MFAP1: variants seen among roughly 807,000 people sequenced by gnomAD.
MFAP1 encodes microfibrillar-associated protein 1.
MFAP1 carries 18 observed loss-of-function variants against 62.2 expected under a neutral mutation model. The observed-to-expected ratio is 0.29, with a 90% CI of 0.20 to 0.43. The LOEUF (loss-of-function observed/expected upper bound fraction) is 0.43. Among genes scored for constraint, MFAP1 ranks in the 20% least tolerant of loss-of-function variants. The pLI is 1.00. For missense variants in MFAP1, 355 were observed against 559.7 expected, an observed-to-expected ratio of 0.63 and a Z score of 3.69; for synonymous variants, 175 against 180.4, an observed-to-expected ratio of 0.97 and a Z score of 0.24.
At chr15:43,808,386 A>G (rs1301642623) in intron 7 of MFAP1, among the ~76,000 whole-genome samples, 1 of 152,112 alleles carries the variant, frequency 6.6e-6, no homozygotes, top group African/African-American at 2.4e-5. Flanking sequence ...TTTTTTGTAG[A>G]GATGGGGTTT....
In MFAP1 at chr15:43,817,305, C is replaced by T. The variant is rs543225157; in HGVS notation, c.223G>A (p.Glu75Lys). Residue 75 changes from glutamate to lysine, a missense_variant, in exon 2 of 9, where the codon GAA becomes AAA. Glu to Lys is a moderately conservative substitution (Grantham distance 56). Around this residue, in one of 6 missense-constraint regions of MFAP1, gnomAD observed 257 missense variants for 341.3 expected, o/e 0.75. Transcript: ENST00000267812. ...TCACTGGATGAATCCTCCTCCTGTT[C>T]CTCAGGCTCTGCTTCTTGTTCTTTG... ...KAKEQEAEPE[E>K]QEEDSSSDPR... 2 of 1,614,112 alleles carry T rather than the reference C, an allele frequency of 1.2e-6. No individual in the cohort carries two copies. Among genetic ancestry groups the T allele is most frequent in the African/African-American group, 1.3e-5 (1 of 75,014 alleles).
chr15:43,813,827 G>A (rs993030085), intron 4 of MFAP1, among the ~76,000 whole-genome samples: 4 of 152,040 alleles, frequency 2.6e-5, no homozygotes, highest in Admixed American at 2.0e-4. Context: ...CAGGTCTTTA[G>A]AGGACTAAAA....
intron 7 of MFAP1, among the ~76,000 whole-genome samples, chr15:43,808,896 GCTA>G: frequency 6.6e-6 from 1 of 152,188 alleles, no homozygotes; most frequent in Non-Finnish European, 1.5e-5. Context: ...TTAACAGATT[GCTA>G]TTTTGATCTT....
chr15:43,822,562 CGG>C (rs2141713895), intron 1 of MFAP1, among the ~76,000 whole-genome samples: 1 of 151,710 alleles, frequency 6.6e-6, no homozygotes, highest in East Asian at 1.9e-4. Context: ...TTAGTAGAGA[CGG>C]GGTTTCACCA....
chr15:43,810,332 T>C lies in MFAP1; in HGVS notation c.888-418A>G, dbSNP rs538800838. Among the ~76,000 whole-genome samples the C allele has an allele frequency of 5.3e-5, 8 of 152,172 alleles. No individual in the cohort carries two copies. In the South Asian group the frequency reaches 1.7e-3, roughly 32 times the overall value. On this transcript the variant is annotated intron_variant, in intron 6 of 8. Transcript: ENST00000267812. ...GTGCTTGCATGTCATAAACCAAAGATTACCATCATTAATTAGATTGCAGTA... is the reference window on the plus strand; with the variant it reads ...GTGCTTGCATGTCATAAACCAAAGACTACCATCATTAATTAGATTGCAGTA...
intron 1 of MFAP1, among the ~76,000 whole-genome samples, chr15:43,818,645 C>G (rs2087449615): frequency 6.6e-6 from 1 of 152,006 alleles, no homozygotes; most frequent in African/African-American, 2.4e-5. Flanking sequence ...ATAATCGCAG[C>G]ATTTTGGAAG....
chr15:43,821,246 TA>T (rs1291274660), intron 1 of MFAP1, among the ~76,000 whole-genome samples: 2 of 152,066 alleles, frequency 1.3e-5, no homozygotes, highest in Non-Finnish European at 2.9e-5. Context: ...TATTGAAAGA[TA>T]AAAAAGATGT....
At chr15:43,805,493 G>C in intron 7 of MFAP1, 28 bp from the exon 8 acceptor site, 1 of 1,576,736 alleles carries the variant, frequency 6.3e-7, no homozygotes, top group South Asian at 1.2e-5. Context: ...TATCAATCTT[G>C]TGGCTTTATT....
intron 7 of MFAP1, among the ~76,000 whole-genome samples, chr15:43,807,387 C>T (rs970039043): frequency 7.3e-5 from 11 of 149,966 alleles, no homozygotes; most frequent in Non-Finnish European, 1.6e-4. Flanking sequence ...CTCACTCTGT[C>T]GCCCAGGCTA....
chr15:43,808,336 G>A (rs2087378451), intron 7 of MFAP1, among the ~76,000 whole-genome samples: 2 of 152,136 alleles, frequency 1.3e-5, no homozygotes. Flanking sequence ...CCCTTGATAG[G>A]TGACACTACA....
chr15:43,813,500 T>C, intron 4 of MFAP1, 143 bp from the exon 5 acceptor site: 2 of 517,830 alleles, frequency 3.9e-6, no homozygotes, highest in Non-Finnish European at 6.4e-6. Flanking sequence ...CGCTGAGTCA[T>C]CCCAGGTCTT....
chr15:43,807,043 C>T (rs1031493416), intron 7 of MFAP1, among the ~76,000 whole-genome samples: 10 of 151,492 alleles, frequency 6.6e-5, no homozygotes, highest in African/African-American at 9.7e-5. Context: ...TTCCCAGCAC[C>T]GAATGTCAAA....
intron 6 of MFAP1, chr15:43,810,128 T>C: frequency 2.0e-6 from 1 of 512,776 alleles, no homozygotes; most frequent in Non-Finnish European, 3.4e-6. Flanking sequence ...CTTTCAAAAG[T>C]TGATTCTAGC....
Position 43,824,626 on chromosome 15 carries a change from A to G in MFAP1, c.-57T>C. The G allele has an allele frequency of 6.4e-7, 1 of 1,568,806 alleles. No individual in the cohort carries two copies. Among genetic ancestry groups the G allele is most frequent in the Non-Finnish European group, 8.8e-7 (1 of 1,139,546 alleles). On this transcript the variant is annotated 5_prime_UTR_variant, in exon 1 of 9. Transcript: ENST00000267812. ...TGACTAATTCCAAACAGTGAACACCAGCAACGTCAACGAAGAGAAGAAATT... is the reference window on the plus strand; with the variant it reads ...TGACTAATTCCAAACAGTGAACACCGGCAACGTCAACGAAGAGAAGAAATT...
At chr15:43,806,653 T>A (rs1212271007) in intron 7 of MFAP1, among the ~76,000 whole-genome samples, 2 of 152,052 alleles carry the variant, frequency 1.3e-5, no homozygotes, top group Non-Finnish European at 2.9e-5. Context: ...GGCGGGCGGA[T>A]CACGAGGTCA....
At chr15:43,811,799 C>T (rs578006883) in intron 6 of MFAP1, among the ~76,000 whole-genome samples, 1 of 152,006 alleles carries the variant, frequency 6.6e-6, no homozygotes, top group African/African-American at 2.4e-5. Context: ...TGAGCCATCA[C>T]GCCCAGCCTA....
At chr15:43,821,412 G>T (rs1323506823) in intron 1 of MFAP1, among the ~76,000 whole-genome samples, 1 of 149,064 alleles carries the variant, frequency 6.7e-6, no homozygotes, top group Non-Finnish European at 1.5e-5. Context: ...GCCCCAAAAT[G>T]CCAAGACAAT....
chr15:43,805,891 T>C (rs998593236), intron 7 of MFAP1, among the ~76,000 whole-genome samples: 2 of 151,946 alleles, frequency 1.3e-5, no homozygotes, highest in Admixed American at 1.3e-4. Context: ...GGATTACAGG[T>C]GTGAACCACT....
intron 1 of MFAP1, among the ~76,000 whole-genome samples, chr15:43,821,551 A>C (rs552236748): frequency 6.6e-6 from 1 of 152,276 alleles, no homozygotes; most frequent in South Asian, 2.1e-4. Flanking sequence ...CTTATATGAG[A>C]ACTCGAGTAT....
Sources: gnomAD v4.1 joint callset for allele counts (sites outside exome capture counted in the v4.1 genomes callset) on GRCh38, gnomAD v4.1.1 for gene constraint, gnomAD v4.1.1 regional missense constraint, MANE v1.5 for transcripts, NCBI Gene and HGNC (gene_info 2026-07-23, HGNC 2026-07-21) for gene names.